NUP35: variants seen among roughly 807,000 people sequenced by gnomAD.
NUP35 encodes nucleoporin NUP35.
In NUP35, 25 loss-of-function variants were observed where a neutral mutation model predicts 41.5. The ratio of observed to expected loss-of-function variants is 0.60; its 90% CI spans 0.44 to 0.84. The LOEUF is 0.84. Ranked by LOEUF, NUP35 falls within the 40% of genes least tolerant of loss-of-function variation. The pLI is 0.00. For missense variants in NUP35, 396 were observed against 396.6 expected (o/e 1.00, Z 0.01); for synonymous variants, 149 against 130.7 (o/e 1.14, Z -0.96).
intron 3 of NUP35, chr2:183,131,040 G>A (rs754391574): frequency 3.7e-5 from 21 of 561,896 alleles, no homozygotes; most frequent in Middle Eastern, 5.1e-4. Context: ...AGAGTGCAGC[G>A]GCACAGTCAT....
chr2:183,155,444 T>C (rs1201555365), intron 5 of NUP35, among the ~76,000 whole-genome samples: 1 of 152,182 alleles, frequency 6.6e-6, no homozygotes, highest in Non-Finnish European at 1.5e-5. Context: ...TCTATTTGGG[T>C]AAAAAGCGGG....
chr2:183,120,735 T>G (rs552858281), upstream of NUP35, among the ~76,000 whole-genome samples: 2 of 152,212 alleles, frequency 1.3e-5, no homozygotes, highest in East Asian at 3.9e-4. Context: ...AGTGAGAGAG[T>G]TGGGCTCTGA....
chr2:183,125,791 G>A (rs539876763), intron 1 of NUP35, among the ~76,000 whole-genome samples: 1 of 152,328 alleles, frequency 6.6e-6, no homozygotes, highest in South Asian at 2.1e-4. Context: ...ACATTTTGCA[G>A]ATATTCCAGG....
intron 3 of NUP35, 109 bp from the exon 4 acceptor site, chr2:183,133,457 C>A: frequency 1.3e-6 from 1 of 786,238 alleles, no homozygotes; most frequent in Non-Finnish European, 2.0e-6. Context: ...TAATTAGAGG[C>A]ATCTCTAGCA....
Position 183,124,497 on chromosome 2 carries a change from G to A in NUP35, c.40G>A (p.Gly14Arg). The A allele has an allele frequency of 6.2e-7, 1 of 1,614,134 alleles. No individual in the cohort carries two copies. The highest frequency in any genetic ancestry group is 8.5e-7 in the Non-Finnish European group (1 of 1,180,004). ...FAVEPQGPAL[G>R]SEPMMLGSPT... ...AGTGGAACCTCAGGGGCCCGCGTTA[G>A]GTGAGTGAAATATTGCTTTTCCTTG... Residue 14 changes from glycine to arginine, a missense_variant and splice_region_variant, in exon 1 of 9, where the codon GGA becomes AGA. Physicochemically the swap from Gly to Arg is moderately radical, Grantham distance 125. Transcript: ENST00000295119.
At chr2:183,126,126 T>G (rs1684469767) in intron 1 of NUP35, among the ~76,000 whole-genome samples, 2 of 152,042 alleles carry the variant, frequency 1.3e-5, no homozygotes, top group Admixed American at 6.6e-5. Flanking sequence ...AACCTCCCCC[T>G]CCGGGCTCAA....
At chr2:183,152,193 T>C (rs182661783) in intron 5 of NUP35, among the ~76,000 whole-genome samples, 893 of 70,546 alleles carry the variant, frequency 0.013, 7 homozygotes, top group Middle Eastern at 0.065. Flanking sequence ...CACAAAGTAT[T>C]GAATATTAAT....
chr2:183,149,223 A>C (rs1685381272), intron 4 of NUP35, among the ~76,000 whole-genome samples: 1 of 152,170 alleles, frequency 6.6e-6, no homozygotes, highest in Admixed American at 6.5e-5. Context: ...TGTAGTTTTT[A>C]CCTTGTTTAT....
intron 4 of NUP35, among the ~76,000 whole-genome samples, chr2:183,143,718 T>A (rs1057136502): frequency 2.6e-5 from 4 of 152,180 alleles, no homozygotes; most frequent in Non-Finnish European, 5.9e-5. Context: ...TTATATACTT[T>A]ACACTAGTTT....
intron 4 of NUP35, among the ~76,000 whole-genome samples, chr2:183,139,543 T>G (rs1275054625): frequency 6.6e-6 from 1 of 152,148 alleles, no homozygotes; most frequent in Non-Finnish European, 1.5e-5. Flanking sequence ...AAGGAGAGTT[T>G]AAAGAGTTAA....
intron 4 of NUP35, among the ~76,000 whole-genome samples, chr2:183,146,434 C>G (rs998340171): frequency 6.6e-6 from 1 of 152,138 alleles, no homozygotes; most frequent in Admixed American, 6.5e-5. Context: ...ATCCAGAACA[C>G]TATTCTAGAC....
intron 4 of NUP35, among the ~76,000 whole-genome samples, chr2:183,138,280 T>A (rs868632845): frequency 0.027 from 3,871 of 144,694 alleles, 86 homozygotes; most frequent in Non-Finnish European, 0.041. Flanking sequence ...TTTTTTTTTT[T>A]TTTTAGCTCC....
intron 4 of NUP35, among the ~76,000 whole-genome samples, chr2:183,151,278 T>A (rs1380871847): frequency 6.6e-6 from 1 of 152,232 alleles, no homozygotes; most frequent in Non-Finnish European, 1.5e-5. Flanking sequence ...AACATTTAGA[T>A]AATTTATCAT....
chr2:183,118,145 AG>A (rs906891837), intron 1 of NUP35, among the ~76,000 whole-genome samples: 7 of 152,232 alleles, frequency 4.6e-5, no homozygotes, highest in African/African-American at 1.7e-4. Flanking sequence ...CTACAAAAAT[AG>A]CACTATGATG....
chr2:183,143,462 T>C (rs2105583158), intron 4 of NUP35, among the ~76,000 whole-genome samples: 1 of 152,314 alleles, frequency 6.6e-6, no homozygotes, highest in Non-Finnish European at 1.5e-5. Flanking sequence ...AAGAAGAATC[T>C]TTTAATACTC....
intron 2 of NUP35, among the ~76,000 whole-genome samples, 185 bp from the exon 3 acceptor site, chr2:183,130,233 T>C (rs1048201533): frequency 6.6e-6 from 1 of 152,144 alleles, no homozygotes; most frequent in East Asian, 1.9e-4. Context: ...AATCTCAGGC[T>C]TCACCCTACA....
chr2:183,161,430 T>C lies in NUP35; in HGVS notation c.*299T>C. 1 of 194,638 alleles carries C rather than the reference T, an allele frequency of 5.1e-6. No homozygotes were observed. The highest frequency in any genetic ancestry group is 1.0e-5 in the Non-Finnish European group (1 of 96,170). The allele number at this position is 194,638 out of a possible 1,614,324, so 12.1% of individuals were successfully genotyped here. ...TTATTGTAAATTAAATAACTGAAAT[T>C]GTGGTGAGACGTCATAGTCTTCATG... On this transcript the variant is annotated 3_prime_UTR_variant, in exon 9 of 9. Coordinates refer to ENST00000295119, the MANE Select transcript of NUP35 (RefSeq NM_138285.5).
At chr2:183,154,691 A>G (rs1462110805) in intron 5 of NUP35, among the ~76,000 whole-genome samples, 1 of 152,182 alleles carries the variant, frequency 6.6e-6, no homozygotes, top group Non-Finnish European at 1.5e-5. Context: ...CAAACTTCCC[A>G]CATTTTCTTC....
intron 1 of NUP35, among the ~76,000 whole-genome samples, chr2:183,126,894 A>G (rs1684509615): frequency 6.6e-6 from 1 of 152,202 alleles, no homozygotes; most frequent in Non-Finnish European, 1.5e-5. Context: ...CAGAGATTGC[A>G]AATTCTACAT....
Sources: allele counts gnomAD v4.1 joint callset (sites outside exome capture counted in the v4.1 genomes callset), GRCh38; gene constraint gnomAD v4.1.1; transcripts MANE v1.5; gene names NCBI Gene and HGNC (gene_info 2026-07-23, HGNC 2026-07-21).